Variants in BMP6 observed in about 807,000 individuals in gnomAD.
The protein encoded by BMP6 is bone morphogenetic protein 6.
Under a neutral mutation model 54.1 loss-of-function variants are expected in BMP6, and 17 were observed. That is an observed-to-expected ratio of 0.31 (90% CI 0.22 to 0.47). BMP6 has a LOEUF of 0.47. Among genes scored for constraint, BMP6 ranks in the 20% least tolerant of loss-of-function variants. BMP6 has a pLI of 1.00. For synonymous variants in BMP6, 328 were observed against 291.2 expected (o/e 1.13, Z -1.28); for missense variants, 720 against 690.4 (o/e 1.04, Z -0.48).
chr6:7,805,463 A>G (rs1038159316), intron 1 of BMP6, among the ~76,000 whole-genome samples: 4 of 152,192 alleles, frequency 2.6e-5, no homozygotes, highest in African/African-American at 9.6e-5. Context: ...AGATGCTGCT[A>G]TTCTTTGTGG....
intron 1 of BMP6, among the ~76,000 whole-genome samples, chr6:7,783,081 C>G (rs75524778): frequency 0.018 from 2,731 of 152,162 alleles, 68 homozygotes; most frequent in African/African-American, 0.061. Flanking sequence ...GGCAAGACAG[C>G]TTTTATGAAA....
chr6:7,859,782 C>T lies in BMP6; in HGVS notation c.858-1669C>T, dbSNP rs542314082. Among the ~76,000 whole-genome samples the T allele has an allele frequency of 2.4e-4, 36 of 152,260 alleles. No homozygotes were observed. The South Asian group carries it at 6.6e-3, about 28-fold the overall frequency. ...ACATCAGAGAGAGCTTTCAACTGGGCAGGCCAGAATGTGGCCTCCCGCAGA... is the reference window on the plus strand; with the variant it reads ...ACATCAGAGAGAGCTTTCAACTGGGTAGGCCAGAATGTGGCCTCCCGCAGA... On this transcript the variant is annotated intron_variant, in intron 2 of 6. Coordinates refer to ENST00000283147, the MANE Select transcript of BMP6 (RefSeq NM_001718.6).
At chr6:7,781,551 C>T (rs11756526) in intron 1 of BMP6, among the ~76,000 whole-genome samples, 10,829 of 151,462 alleles carry the variant, frequency 0.071, 884 homozygotes, top group Non-Finnish European at 0.11. Flanking sequence ...TGTCACTCAC[C>T]GCCTCACCAC....
intron 1 of BMP6, among the ~76,000 whole-genome samples, chr6:7,786,022 A>C (rs914089493): frequency 6.6e-6 from 1 of 152,206 alleles, no homozygotes; most frequent in Non-Finnish European, 1.5e-5. Context: ...TGTATTAACG[A>C]ATGTGCCCCT....
chr6:7,760,270 A>G (rs1226101), intron 1 of BMP6, among the ~76,000 whole-genome samples: 121,236 of 151,700 alleles, frequency 0.8, 48,711 homozygotes, highest in African/African-American at 0.83. Context: ...TAGTGAAATT[A>G]AAACAGGAAC....
Position 7,811,165 on chromosome 6 carries a change from A to G in BMP6, c.665-33975A>G, listed in dbSNP as rs571231098. Among the ~76,000 whole-genome samples the G allele has an allele frequency of 1.2e-4, 19 of 152,312 alleles. 1 individual carries two copies. The South Asian group carries it at 1.9e-3, about 15-fold the overall frequency. On this transcript the variant is annotated intron_variant, in intron 1 of 6. Transcript: ENST00000283147. ...AAAGGCCAGTGTGTAAATTGGGGCT[A>G]TTCTCGTCTTGAGAAGGCATCCACC...
Position 7,806,354 on chromosome 6 carries a change from G to A in BMP6, c.665-38786G>A, listed in dbSNP as rs530067600. ...TTACATTCCCTGTGTCCCATTTTTA[G>A]GATTACTAACCAGCTGATTGCCCAT... On this transcript the variant is annotated intron_variant, in intron 1 of 6. Transcript: ENST00000283147. 1.1e-4 allele frequency among the ~76,000 whole-genome samples: 16 copies of A among 152,276 alleles called. No individual in the cohort carries two copies. In the South Asian group the frequency reaches 3.1e-3, roughly 30 times the overall value.
intron 1 of BMP6, among the ~76,000 whole-genome samples, chr6:7,839,248 T>C (rs1284878109): frequency 6.6e-6 from 1 of 152,200 alleles, no homozygotes; most frequent in Non-Finnish European, 1.5e-5. Context: ...CATTGCAGCC[T>C]CACACTCCTG....
chr6:7,874,050 G>A (rs1322405780), intron 4 of BMP6, among the ~76,000 whole-genome samples: 1 of 152,164 alleles, frequency 6.6e-6, no homozygotes, highest in East Asian at 1.9e-4. Context: ...ACCTTTAGGA[G>A]CGCAGGGCGT....
chr6:7,787,451 C>G (rs1269705846), intron 1 of BMP6, among the ~76,000 whole-genome samples: 1 of 152,222 alleles, frequency 6.6e-6, no homozygotes, highest in Non-Finnish European at 1.5e-5. Context: ...GTCCTTGGCT[C>G]AGACACTGGA....
At chr6:7,767,193 C>T (rs7743608) in intron 1 of BMP6, among the ~76,000 whole-genome samples, 91,276 of 151,556 alleles carry the variant, frequency 0.6, 28,825 homozygotes, top group Non-Finnish European at 0.72. Flanking sequence ...TCACCGCGGT[C>T]TCGATCTCCT....
At chr6:7,834,092 G>T (rs1302971874) in intron 1 of BMP6, among the ~76,000 whole-genome samples, 8 of 151,994 alleles carry the variant, frequency 5.3e-5, no homozygotes, top group African/African-American at 1.9e-4. Context: ...ACAGGGTAGT[G>T]GGGAGCTGTC....
chr6:7,740,707 A>G (rs577873413), intron 1 of BMP6, among the ~76,000 whole-genome samples: 1 of 152,282 alleles, frequency 6.6e-6, no homozygotes, highest in Admixed American at 6.5e-5. Flanking sequence ...TGGGAACCAC[A>G]GTGCTAGTTA....
At chr6:7,836,820 G>A (rs1426494956) in intron 1 of BMP6, among the ~76,000 whole-genome samples, 3 of 152,168 alleles carry the variant, frequency 2.0e-5, no homozygotes, top group Admixed American at 6.5e-5. Context: ...CTCAGTCTTT[G>A]TATTACAATT....
intron 2 of BMP6, among the ~76,000 whole-genome samples, chr6:7,857,592 C>A (rs1759267355): frequency 6.6e-6 from 1 of 152,200 alleles, no homozygotes; most frequent in Non-Finnish European, 1.5e-5. Context: ...CAGTGACACA[C>A]ATTTTAGGTG....
chr6:7,867,541 A>G (rs1178048386), intron 4 of BMP6, among the ~76,000 whole-genome samples: 2 of 152,230 alleles, frequency 1.3e-5, no homozygotes, highest in African/African-American at 2.4e-5. Flanking sequence ...TCGGTCCACC[A>G]TGGACATTCA....
intron 2 of BMP6, among the ~76,000 whole-genome samples, chr6:7,850,287 C>T (rs1263567451): frequency 7.9e-5 from 12 of 152,088 alleles, no homozygotes; most frequent in African/African-American, 1.7e-4. Flanking sequence ...GGACTACAGG[C>T]GCCCGCCACC....
intron 1 of BMP6, among the ~76,000 whole-genome samples, chr6:7,829,462 G>A (rs981030655): frequency 1.3e-5 from 2 of 152,148 alleles, no homozygotes; most frequent in East Asian, 1.9e-4. Context: ...CCAGCACTTT[G>A]GGAGGCTGAG....
chr6:7,813,143 A>ATATATG (rs1554122663), intron 1 of BMP6, among the ~76,000 whole-genome samples: 1 of 105,710 alleles, frequency 9.5e-6, no homozygotes, highest in Non-Finnish European at 1.8e-5. Context: ...ATATATATAT[A>ATATATG]TATATAAAAT....
Sources: allele counts gnomAD v4.1 joint callset (sites outside exome capture counted in the v4.1 genomes callset), GRCh38; gene constraint gnomAD v4.1.1; transcripts MANE v1.5; gene names NCBI Gene and HGNC (gene_info 2026-07-23, HGNC 2026-07-21).